Variants in UGGT1 observed in about 807,000 individuals in gnomAD.
The protein encoded by UGGT1 is UDP-glucose glycoprotein glucosyltransferase 1, also known as UDP-glucose:glycoprotein glucosyltransferase 1.
UGGT1 carries 107 observed loss-of-function variants against 203.9 expected under a neutral mutation model. That is an observed-to-expected ratio of 0.52 (90% CI 0.45 to 0.62). UGGT1 has a LOEUF of 0.62. Ranked by LOEUF, UGGT1 falls within the 20% of genes least tolerant of loss-of-function variation. The pLI, the probability that UGGT1 is intolerant of heterozygous loss-of-function variation, is 0.00. For synonymous variants in UGGT1, 628 were observed against 653.5 expected, an observed-to-expected ratio of 0.96 and a Z score of 0.59; for missense variants, 1,673 against 1,867.2, an observed-to-expected ratio of 0.90 and a Z score of 1.92.
intron 8 of UGGT1, among the ~76,000 whole-genome samples, chr2:128,120,048 A>AT (rs1412184462): frequency 6.6e-6 from 1 of 151,660 alleles, no homozygotes; most frequent in Non-Finnish European, 1.5e-5. Flanking sequence ...AGTGGCTGGG[A>AT]TTACAGGCGT....
At chr2:128,185,703 C>T (rs774119787) in intron 38 of UGGT1, among the ~76,000 whole-genome samples, 3 of 151,744 alleles carry the variant, frequency 2.0e-5, no homozygotes, top group Admixed American at 1.3e-4. Context: ...TTGGAACTCC[C>T]GGGCTCAAGC....
intron 27 of UGGT1, among the ~76,000 whole-genome samples, chr2:128,170,974 G>A (rs17178396): frequency 0.13 from 20,405 of 152,162 alleles, 1,766 homozygotes; most frequent in Non-Finnish European, 0.19. Flanking sequence ...AACTGCCTTC[G>A]TGTGAGGAGC....
intron 23 of UGGT1, among the ~76,000 whole-genome samples, chr2:128,160,211 C>A (rs550576966): frequency 6.6e-6 from 1 of 152,146 alleles, no homozygotes; most frequent in African/African-American, 2.4e-5. Context: ...TTTAAAAATG[C>A]AGAGTAAAGG....
In UGGT1 at chr2:128,145,840, C is replaced by T. The variant is rs1689662028; in HGVS notation, c.1889C>T (p.Pro630Leu). 1.9e-6 allele frequency: 3 copies of T among 1,611,582 alleles called. No homozygotes were observed. Among genetic ancestry groups the T allele is most frequent in the Non-Finnish European group, 1.7e-6 (2 of 1,178,306 alleles). ...RGYYEQTGVGPLPVVLFNGMP... is the reference protein window; with the variant it reads ...RGYYEQTGVGLLPVVLFNGMP... ...TACTATGAGCAGACTGGAGTTGGAC[C>T]TCTGCCCGTTGTGCTGTTCAATGGA... is the stretch of plus-strand genomic sequence containing the variant. Residue 630 changes from proline to leucine, a missense_variant, in exon 18 of 41, where the codon CCT (proline) becomes CTT (leucine). Transcript: ENST00000259253.
chr2:128,122,158 G>A (rs1370949713), intron 10 of UGGT1, among the ~76,000 whole-genome samples: 2 of 152,080 alleles, frequency 1.3e-5, no homozygotes, highest in Admixed American at 6.5e-5. Flanking sequence ...ATTTTTAGTA[G>A]AGACAGGGTT....
intron 1 of UGGT1, among the ~76,000 whole-genome samples, chr2:128,092,799 T>C (rs1261074346): frequency 6.6e-6 from 1 of 152,128 alleles, no homozygotes; most frequent in Non-Finnish European, 1.5e-5. Flanking sequence ...CAGGTGGTCC[T>C]CCTACCTCAG....
intron 18 of UGGT1, among the ~76,000 whole-genome samples, chr2:128,150,866 T>C (rs1161278137): frequency 6.6e-6 from 1 of 151,970 alleles, no homozygotes; most frequent in Non-Finnish European, 1.5e-5. Flanking sequence ...CTTTTCTGTT[T>C]TTGAGATGGA....
chr2:128,096,397 A>G (rs1238857220), intron 1 of UGGT1, among the ~76,000 whole-genome samples: 1 of 152,230 alleles, frequency 6.6e-6, no homozygotes, highest in Admixed American at 6.5e-5. Context: ...ATCCTTACTC[A>G]GGGTTTCACA....
At chr2:128,113,460 A>G (rs1345202435) in intron 6 of UGGT1, among the ~76,000 whole-genome samples, 1 of 152,248 alleles carries the variant, frequency 6.6e-6, no homozygotes, top group Non-Finnish European at 1.5e-5. Context: ...AAAACATGCT[A>G]AAAAAGTAGC....
intron 29 of UGGT1, among the ~76,000 whole-genome samples, chr2:128,173,499 A>G (rs1435170130): frequency 6.6e-6 from 1 of 151,932 alleles, no homozygotes; most frequent in Non-Finnish European, 1.5e-5. Flanking sequence ...TTATAATTGT[A>G]TACAGTCATT....
chr2:128,171,947 G>A lies in UGGT1; in HGVS notation c.3105-626G>A, dbSNP rs1046651629. ...AAAAGTGATACAGAAAGCAGTTAGC[G>A]TTGTGGCTATGGGAAATTTCTAACT... On this transcript the variant is annotated intron_variant, in intron 28 of 40. Transcript: ENST00000259253. Among the ~76,000 whole-genome samples the A allele has an allele frequency of 2.6e-5, 4 of 152,216 alleles. No individual in the cohort carries two copies. In the East Asian group the frequency reaches 5.8e-4, roughly 22 times the overall value.
chr2:128,174,708 TG>T (rs1691287431), intron 30 of UGGT1, 64 bp from the exon 31 acceptor site: 1 of 1,259,496 alleles, frequency 7.9e-7, no homozygotes, highest in Non-Finnish European at 1.1e-6. Context: ...TAGAAGTAAC[TG>T]TTCCTCAGAA....
intron 18 of UGGT1, among the ~76,000 whole-genome samples, chr2:128,146,882 C>T (rs992882947): frequency 6.6e-6 from 1 of 152,292 alleles, no homozygotes; most frequent in Middle Eastern, 3.4e-3. Flanking sequence ...GGACAGATAG[C>T]TTGTTGCTCA....
intron 6 of UGGT1, among the ~76,000 whole-genome samples, chr2:128,114,513 T>TG (rs1186922191): frequency 6.6e-6 from 1 of 152,144 alleles, no homozygotes; most frequent in Admixed American, 6.6e-5. Context: ...TTAGGATGGA[T>TG]GTTAATGTCT....
rs77033689 is a variant in UGGT1, at chr2:128,094,566, G to A, written c.59-2863G>A. ...CTGGGAAGTTAGGTAACATATATGTGGTTAAACTGCTAGTACGTAGCAAAC... is the reference window on the plus strand; with the variant it reads ...CTGGGAAGTTAGGTAACATATATGTAGTTAAACTGCTAGTACGTAGCAAAC... On this transcript the variant is annotated intron_variant, in intron 1 of 40. Coordinates refer to ENST00000259253, the MANE Select transcript of UGGT1 (RefSeq NM_020120.4). Among the ~76,000 whole-genome samples, 495 of 152,062 alleles carry A rather than the reference G, an allele frequency of 3.3e-3. 3 individuals are homozygous for A. The highest frequency in any genetic ancestry group is 5.4e-3 in the Non-Finnish European group (365 of 67,986).
rs188335436 is a variant in UGGT1 at position 128,097,362 on chromosome 2, G to A, written c.59-67G>A. On this transcript the variant is annotated intron_variant, in intron 1 of 40. Coordinates refer to ENST00000259253, the MANE Select transcript of UGGT1 (RefSeq NM_020120.4). ...TGCACTCCAGCCTGGGCGACAGGGC[G>A]AGACTGCGTCTCAAAAAAAAAAAAA... The A allele has an allele frequency of 2.5e-4, 384 of 1,548,400 alleles. No homozygotes were observed. The African/African-American group carries it at 4.1e-3, about 17-fold the overall frequency.
chr2:128,143,276 T>C, intron 17 of UGGT1, 51 bp downstream of exon 17: 1 of 1,546,162 alleles, frequency 6.5e-7, no homozygotes. Context: ...GTACTGTCCT[T>C]AACCCCGTGT....
At chr2:128,187,717 C>G in intron 40 of UGGT1, 103 bp downstream of exon 40, 3 of 1,249,328 alleles carry the variant, frequency 2.4e-6, no homozygotes, top group Non-Finnish European at 3.2e-6. Context: ...AGAAAAATCT[C>G]CTATTAATCC....
rs558911313 is a variant in UGGT1 at position 128,183,909 on chromosome 2, G to GGTGTGTGTGTGTGT, written c.4359+136_4359+149dup. The GGTGTGTGTGTGTGT allele has an allele frequency of 2.0e-3, 667 of 339,676 alleles. 3 individuals carry two copies. Among genetic ancestry groups the GGTGTGTGTGTGTGT allele is most frequent in the South Asian group, 8.1e-3 (187 of 23,218 alleles). 21.0% of individuals were successfully genotyped at this position (339,676 alleles called of 1,614,324 possible). Reference sequence around the variant, plus strand: ...ACAGGATGGCGTCTTGTTTTTTCATGGTGTGTGTGTGTGTGTGTGTGTGTG... The same window carrying GGTGTGTGTGTGTGT: ...ACAGGATGGCGTCTTGTTTTTTCATGGTGTGTGTGTGTGTGTGTGTGTGTGTGTGTGTGTGTGTG... On this transcript the variant is annotated intron_variant, in intron 38 of 40. Transcript: ENST00000259253.
Sources: gnomAD v4.1 joint callset for allele counts (sites outside exome capture counted in the v4.1 genomes callset) on GRCh38, gnomAD v4.1.1 for gene constraint, MANE v1.5 for transcripts, NCBI Gene and HGNC (gene_info 2026-07-23, HGNC 2026-07-21) for gene names.